The following MYO3B variants were observed in gnomAD, a reference collection of about 807,000 sequenced individuals.
The protein encoded by MYO3B is myosin IIIB.
A neutral mutation model predicts 174.6 loss-of-function variants in MYO3B; 156 were observed. The observed-to-expected ratio is 0.89, with a 90% CI of 0.78 to 1.02. The LOEUF is 1.02. Ranked by LOEUF, MYO3B falls within the 50% of genes least tolerant of loss-of-function variation. MYO3B has a pLI of 0.00. For missense variants in MYO3B, 1,632 were observed against 1,639.4 expected (o/e 1.00, Z 0.08); for synonymous variants, 563 against 569.1 (o/e 0.99, Z 0.15).
chr2:170,489,738 T>A (rs1446702586), intron 25 of MYO3B, among the ~76,000 whole-genome samples: 1 of 151,534 alleles, frequency 6.6e-6, no homozygotes, highest in Non-Finnish European at 1.5e-5. Flanking sequence ...AGAGACAGAA[T>A]CCCTTTCTTC....
chr2:170,357,902 C>G (rs745720710), intron 8 of MYO3B, among the ~76,000 whole-genome samples: 3 of 152,182 alleles, frequency 2.0e-5, no homozygotes, highest in Admixed American at 6.5e-5. Context: ...CCTGTAATCC[C>G]AGCACTTTGG....
In MYO3B at chr2:170,220,029, T is replaced by C. The variant is rs192754859; in HGVS notation, c.603+2634T>C. On this transcript the variant is annotated intron_variant, in intron 6 of 34. Transcript: ENST00000408978. The stretch of plus-strand genomic sequence containing the variant: ...ATCCCAGCACTTTGGGAGGCCAAGG[T>C]GGGCAGATCACGAGGTCAGGAGATC... Among the ~76,000 whole-genome samples, 1,345 of 151,328 alleles carry C rather than the reference T, an allele frequency of 8.9e-3. 8 individuals are homozygous for C. The highest frequency in any genetic ancestry group is 0.021 in the Middle Eastern group (6 of 286).
At chr2:170,277,291 G>A (rs1238352700) in intron 7 of MYO3B, among the ~76,000 whole-genome samples, 2 of 152,200 alleles carry the variant, frequency 1.3e-5, no homozygotes, top group Non-Finnish European at 2.9e-5. Flanking sequence ...AGAGCATATT[G>A]TGCTTTAAAT....
chr2:170,611,491 G>T (rs1352868201), intron 32 of MYO3B, among the ~76,000 whole-genome samples: 2 of 152,152 alleles, frequency 1.3e-5, no homozygotes, highest in African/African-American at 4.8e-5. Context: ...TGCACAAAAT[G>T]CGGGTGTTGA....
intron 7 of MYO3B, among the ~76,000 whole-genome samples, chr2:170,296,934 A>G (rs939718304): frequency 2.0e-5 from 3 of 152,188 alleles, no homozygotes; most frequent in African/African-American, 7.2e-5. Context: ...CGATGACAGC[A>G]TCAAAGGAGG....
chr2:170,643,955 T>TGA (rs940878227), intron 32 of MYO3B: 2 of 152,114 alleles, frequency 1.3e-5, no homozygotes, highest in Non-Finnish European at 2.9e-5. Flanking sequence ...CTGTAGCAGG[T>TGA]GATGAAAATG....
intron 32 of MYO3B, among the ~76,000 whole-genome samples, chr2:170,590,333 C>T (rs902978015): frequency 1.3e-5 from 2 of 152,046 alleles, no homozygotes; most frequent in Non-Finnish European, 2.9e-5. Flanking sequence ...TAACTTTTCT[C>T]CTTATAGTAC....
At chr2:170,270,957 G>A (rs974419482) in intron 7 of MYO3B, among the ~76,000 whole-genome samples, 9 of 152,206 alleles carry the variant, frequency 5.9e-5, no homozygotes, top group African/African-American at 1.9e-4. Flanking sequence ...CATCCATGGA[G>A]TTGGGTAACA....
chr2:170,504,065 A>G (rs1687460916), intron 28 of MYO3B, among the ~76,000 whole-genome samples: 1 of 152,208 alleles, frequency 6.6e-6, no homozygotes, highest in South Asian at 2.1e-4. Context: ...TTCCCCAAAC[A>G]TAATCTCATT....
intron 25 of MYO3B, among the ~76,000 whole-genome samples, chr2:170,493,108 A>G (rs1241089920): frequency 1.3e-5 from 2 of 152,212 alleles, no homozygotes; most frequent in African/African-American, 4.8e-5. Context: ...GGATGTGCCT[A>G]CATTCCAAAC....
chr2:170,452,163 A>G (rs375460435), intron 23 of MYO3B, among the ~76,000 whole-genome samples: 5 of 152,134 alleles, frequency 3.3e-5, no homozygotes, highest in South Asian at 2.1e-4. Context: ...AGGCTTTCCC[A>G]TAATGCAAAG....
In MYO3B at chr2:170,372,143, A is replaced by AAAAAC. The variant is rs1553475399; in HGVS notation, c.971+2768_971+2769insAACAA. Among the ~76,000 whole-genome samples, 159 of 136,912 alleles carry AAAAAC rather than the reference A, an allele frequency of 1.2e-3. 2 individuals carry two copies. Among genetic ancestry groups the AAAAAC allele is most frequent in the African/African-American group, 3.8e-3 (146 of 38,694 alleles). 89.8% of individuals were successfully genotyped at this position (136,912 alleles called of 152,430 possible). On this transcript the variant is annotated intron_variant, in intron 9 of 34. Coordinates refer to ENST00000408978, the MANE Select transcript of MYO3B (RefSeq NM_138995.5). ...CAAAAAAAAAAAAAAAAAAAAAAAA[A>AAAAAC]AACAACAACAACAAAGAAAAAAATC...
intron 32 of MYO3B, among the ~76,000 whole-genome samples, chr2:170,569,941 A>C (rs1692329598): frequency 6.6e-6 from 1 of 151,886 alleles, no homozygotes. Flanking sequence ...CCTAGAATTC[A>C]GACTGTTTTG....
intron 32 of MYO3B, among the ~76,000 whole-genome samples, chr2:170,550,879 A>G (rs1042767372): frequency 6.6e-6 from 1 of 152,148 alleles, no homozygotes; most frequent in Non-Finnish European, 1.5e-5. Context: ...TTCTAAAATT[A>G]TTAGGAATGA....
intron 30 of MYO3B, among the ~76,000 whole-genome samples, chr2:170,526,597 C>T (rs984883038): frequency 1.3e-5 from 2 of 152,162 alleles, no homozygotes; most frequent in African/African-American, 4.8e-5. Context: ...ACCAACATTG[C>T]CAGCATGACA....
intron 23 of MYO3B, among the ~76,000 whole-genome samples, chr2:170,447,198 A>T (rs1176030759): frequency 6.6e-6 from 1 of 152,136 alleles, no homozygotes; most frequent in African/African-American, 2.4e-5. Flanking sequence ...ATGTTTGGGG[A>T]TAGCATGTCC....
intron 9 of MYO3B, among the ~76,000 whole-genome samples, chr2:170,370,899 TC>T (rs1029504031): frequency 6.6e-6 from 1 of 151,026 alleles, no homozygotes; most frequent in Admixed American, 6.6e-5. Context: ...TCTCTCTCTC[TC>T]TTTTTTTTTC....
At chr2:170,238,710 A>T (rs2093099180) in intron 7 of MYO3B, among the ~76,000 whole-genome samples, 1 of 148,044 alleles carries the variant, frequency 6.8e-6, no homozygotes, top group South Asian at 2.2e-4. Context: ...AAAAAGATTT[A>T]TGAGTTAATG....
intron 8 of MYO3B, among the ~76,000 whole-genome samples, chr2:170,365,397 T>C (rs1001009821): frequency 6.6e-6 from 1 of 152,222 alleles, no homozygotes; most frequent in African/African-American, 2.4e-5. Flanking sequence ...CTTCTGTCTT[T>C]CCAATTAGAT....
Sources: allele counts gnomAD v4.1 joint callset (sites outside exome capture counted in the v4.1 genomes callset), GRCh38; gene constraint gnomAD v4.1.1; transcripts MANE v1.5; gene names NCBI Gene and HGNC (gene_info 2026-07-23, HGNC 2026-07-21).